SLC20A2: variants seen among roughly 807,000 people sequenced by gnomAD.
The protein encoded by SLC20A2 is solute carrier family 20 member 2, also known as sodium-dependent phosphate transporter 2.
A neutral mutation model predicts 61.0 loss-of-function variants in SLC20A2; 30 were observed. The observed-to-expected ratio is 0.49, with a 90% CI of 0.37 to 0.67. The LOEUF (loss-of-function observed/expected upper bound fraction) is 0.67. Ranked by LOEUF, SLC20A2 falls within the 30% of genes least tolerant of loss-of-function variation. SLC20A2 has a pLI of 0.00. For synonymous variants in SLC20A2, 351 were observed against 353.3 expected, an observed-to-expected ratio of 0.99 and a Z score of 0.07; for missense variants, 626 against 866.4, an observed-to-expected ratio of 0.72 and a Z score of 3.48.
chr8:42,438,447 C>CGG (rs1484223033), intron 7 of SLC20A2, among the ~76,000 whole-genome samples: 1 of 152,150 alleles, frequency 6.6e-6, no homozygotes, highest in Non-Finnish European at 1.5e-5. Context: ...TCTGGGACTA[C>CGG]AGGTGTGCAC....
At chr8:42,526,591 T>A (rs1811962871) in intron 1 of SLC20A2, among the ~76,000 whole-genome samples, 1 of 150,404 alleles carries the variant, frequency 6.6e-6, no homozygotes, top group South Asian at 2.1e-4. Context: ...GAGAATGGCG[T>A]GAACCCAGGA....
At chr8:42,441,045 C>T (rs1345983912) in intron 6 of SLC20A2, among the ~76,000 whole-genome samples, 1 of 152,040 alleles carries the variant, frequency 6.6e-6, no homozygotes, top group Non-Finnish European at 1.5e-5. Flanking sequence ...GTGAACTGCT[C>T]GCCTCAGCCT....
intron 1 of SLC20A2, among the ~76,000 whole-genome samples, chr8:42,519,765 A>T (rs1203213771): frequency 2.0e-5 from 3 of 152,220 alleles, no homozygotes; most frequent in African/African-American, 7.2e-5. Flanking sequence ...CCCAACTTAA[A>T]GTGACTTAAA....
At chr8:42,482,098 G>T (rs868513349) in intron 1 of SLC20A2, among the ~76,000 whole-genome samples, 2 of 152,134 alleles carry the variant, frequency 1.3e-5, no homozygotes, top group Admixed American at 1.3e-4. Flanking sequence ...GGATGATTTG[G>T]CCCGAAGAAA....
intron 5 of SLC20A2, among the ~76,000 whole-genome samples, chr8:42,447,583 C>A (rs1295243756): frequency 2.0e-5 from 3 of 151,578 alleles, no homozygotes; most frequent in Non-Finnish European, 2.9e-5. Flanking sequence ...GAGGCTGAGG[C>A]AGGAGAATGG....
At chr8:42,492,498 C>T (rs192610747) in intron 1 of SLC20A2, among the ~76,000 whole-genome samples, 10 of 152,196 alleles carry the variant, frequency 6.6e-5, no homozygotes, top group African/African-American at 1.9e-4. Flanking sequence ...GAAAGGAAGG[C>T]GAGCATAAAA....
chr8:42,527,598 A>G (rs533700108), intron 1 of SLC20A2, among the ~76,000 whole-genome samples: 18 of 152,018 alleles, frequency 1.2e-4, no homozygotes, highest in African/African-American at 3.4e-4. Flanking sequence ...GAGAAACCCC[A>G]TATCTACTAA....
intron 2 of SLC20A2, among the ~76,000 whole-genome samples, chr8:42,471,522 A>AAAACAAAAGC (rs1220497321): frequency 6.6e-6 from 1 of 152,248 alleles, no homozygotes; most frequent in Admixed American, 6.5e-5. Context: ...TCAGAAAATC[A>AAAACAAAAGC]AAACAAAAGC....
At chr8:42,434,666 C>T (rs781132828) in intron 8 of SLC20A2, among the ~76,000 whole-genome samples, 23 of 152,190 alleles carry the variant, frequency 1.5e-4, no homozygotes, top group Non-Finnish European at 2.6e-4. Flanking sequence ...GCTGAGGCCT[C>T]GGGGCTCAAC....
chr8:42,541,623 C>A (rs1813175069), intron 1 of SLC20A2: 1 of 149,774 alleles, frequency 6.7e-6, no homozygotes, highest in African/African-American at 2.4e-5. Context: ...GTAACCGTTT[C>A]CCGCGCGCCC....
intron 10 of SLC20A2, among the ~76,000 whole-genome samples, chr8:42,426,051 T>A (rs558669834): frequency 1.1e-4 from 16 of 151,958 alleles, no homozygotes; most frequent in African/African-American, 3.6e-4. Context: ...AAAAACCTTA[T>A]CATGTACTTT....
intron 3 of SLC20A2, 31 bp from the exon 4 acceptor site, chr8:42,463,121 G>A: frequency 7.9e-7 from 1 of 1,265,930 alleles, no homozygotes; most frequent in South Asian, 1.3e-5. Context: ...TCTAATGAAT[G>A]TTAAAATTCA....
rs756831091 is a variant in SLC20A2, at chr8:42,472,137, TCCA to T, written c.251_253del (p.Val84del). 1 of 1,613,584 alleles carries T rather than the reference TCCA, an allele frequency of 6.2e-7. No individual in the cohort carries two copies. Among genetic ancestry groups the T allele is most frequent in the Non-Finnish European group, 8.5e-7 (1 of 1,180,018 alleles). On this transcript the variant is annotated inframe_deletion, in exon 2 of 11. Coordinates refer to ENST00000520262, the MANE Select transcript of SLC20A2 (RefSeq NM_001257180.2). The surrounding 1 kb of genome is among the most constrained non-coding windows in gnomAD (Gnocchi z 4.1). ...ACTAACTTCCCCAGCCATGAGAGTC[TCCA>T]CCGTCTCGTTGTACAGGTTCACGTC...
At chr8:42,424,323 G>A (rs566008345) in intron 10 of SLC20A2, among the ~76,000 whole-genome samples, 315 of 151,822 alleles carry the variant, frequency 2.1e-3, no homozygotes, top group Admixed American at 2.6e-3. Flanking sequence ...CTTTTTTTGG[G>A]GGGTGCGGGG....
chr8:42,456,745 A>AC (rs1806236975), intron 5 of SLC20A2, among the ~76,000 whole-genome samples: 1 of 151,126 alleles, frequency 6.6e-6, no homozygotes, highest in African/African-American at 2.4e-5. Flanking sequence ...AAAAAAAAAA[A>AC]AAAAAAAAAA....
At chr8:42,514,171 T>A (rs903538967) in intron 1 of SLC20A2, among the ~76,000 whole-genome samples, 2 of 152,170 alleles carry the variant, frequency 1.3e-5, no homozygotes, top group African/African-American at 4.8e-5. Flanking sequence ...GCAATAATAA[T>A]TGGGTCCAGG....
intron 10 of SLC20A2, among the ~76,000 whole-genome samples, chr8:42,420,235 A>T (rs1393626703): frequency 6.6e-6 from 1 of 152,066 alleles, no homozygotes; most frequent in East Asian, 1.9e-4. Context: ...TTTACATACT[A>T]AAATCTAATG....
At chr8:42,436,357 C>G (rs542905453) in intron 8 of SLC20A2, among the ~76,000 whole-genome samples, 1 of 152,166 alleles carries the variant, frequency 6.6e-6, no homozygotes, top group African/African-American at 2.4e-5. Context: ...CCAGGGCCTC[C>G]GTCATCCCTA....
intron 5 of SLC20A2, among the ~76,000 whole-genome samples, chr8:42,449,026 C>A (rs1436822276): frequency 6.6e-6 from 1 of 152,180 alleles, no homozygotes; most frequent in Non-Finnish European, 1.5e-5. Flanking sequence ...TCAATGCACA[C>A]CCAAGGCAAA....
Sources: gnomAD v4.1 joint callset for allele counts (sites outside exome capture counted in the v4.1 genomes callset) on GRCh38, gnomAD v4.1.1 for gene constraint, Gnocchi (gnomAD v3.1) non-coding constraint, MANE v1.5 for transcripts, NCBI Gene and HGNC (gene_info 2026-07-23, HGNC 2026-07-21) for gene names.